PIKFYVE: variants seen among roughly 807,000 people sequenced by gnomAD.
PIKFYVE encodes 1-phosphatidylinositol 3-phosphate 5-kinase.
In PIKFYVE, 122 loss-of-function variants were observed where a neutral mutation model predicts 257.9. That is an observed-to-expected ratio of 0.47 (90% CI 0.41 to 0.55). PIKFYVE has a LOEUF of 0.55. PIKFYVE is among the 20% of genes least tolerant of loss of function. The probability of loss-of-function intolerance (pLI) is 0.00; values close to 1 mark genes in which losing one functional copy is unlikely to be tolerated. For missense variants in PIKFYVE, 2,160 were observed against 2,536.6 expected (o/e 0.85, Z 3.19); for synonymous variants, 892 against 868.9 (o/e 1.03, Z -0.47).
chr2:208,334,945 T>TCTTC (rs1697968573), intron 24 of PIKFYVE, among the ~76,000 whole-genome samples: 1 of 152,166 alleles, frequency 6.6e-6, no homozygotes, highest in South Asian at 2.1e-4. Flanking sequence ...CAAAGACTCA[T>TCTTC]GAAGAATCTT....
At chr2:208,302,478 AG>A (rs1559085700) in intron 10 of PIKFYVE, 125 bp downstream of exon 10, 2 of 981,496 alleles carry the variant, frequency 2.0e-6, no homozygotes, top group Non-Finnish European at 3.1e-6. Flanking sequence ...CTGCTGTTTG[AG>A]GAAAGTTAAA....
chr2:208,316,417 G>C (rs548076326), intron 15 of PIKFYVE, among the ~76,000 whole-genome samples: 1,820 of 152,022 alleles, frequency 0.012, 17 homozygotes, highest in Non-Finnish European at 0.021. Context: ...GGGTCAAATG[G>C]TATTTCTAGT....
At position 208,347,885 on chromosome 2, in the gene PIKFYVE, T is replaced by A; in HGVS notation, c.5236T>A (p.Phe1746Ile). ...PTKKASGMLS[F>I]FRGTAGKSPD... ...CAAAAAGGCTTCTGGAATGTTGTCC[T>A]TCTTCAGAGGGACAGCAGGGAAAAG... The change falls in exon 35 of 42, where the codon TTC becomes ATC. Residue 1746 changes from phenylalanine (F) to isoleucine (I), a missense_variant. Coordinates refer to ENST00000264380, the MANE Select transcript of PIKFYVE (RefSeq NM_015040.4). The A allele has an allele frequency of 6.2e-7, 1 of 1,613,714 alleles. No individual in the cohort carries two copies. The highest frequency in any genetic ancestry group is 8.5e-7 in the Non-Finnish European group (1 of 1,179,754).
rs1368950285 is a variant in PIKFYVE, at chr2:208,325,833, C to T, written c.3022C>T (p.Pro1008Ser). 29 of 1,613,872 alleles carry T rather than the reference C, an allele frequency of 1.8e-5. No homozygotes were observed. Among genetic ancestry groups the T allele is most frequent in the Non-Finnish European group, 2.3e-5 (27 of 1,179,974 alleles). ...TLQQTVVLQDPKSQIRAFRDP... is the reference protein window; with the variant it reads ...TLQQTVVLQDSKSQIRAFRDP... Reference sequence around the variant, plus strand: ...GCAGCAAACAGTTGTGCTGCAGGATCCCAAAAGCCAGATAAGAGCCTTTAG... The same window carrying T: ...GCAGCAAACAGTTGTGCTGCAGGATTCCAAAAGCCAGATAAGAGCCTTTAG... The change falls in exon 20 of 42, where the codon CCC (proline) becomes TCC (serine). Residue 1008 changes from proline to serine, a missense_variant. This residue lies in a region of PIKFYVE where 522 missense variants were observed against 514.6 expected (regional missense o/e 1.01). Coordinates refer to ENST00000264380, the MANE Select transcript of PIKFYVE (RefSeq NM_015040.4).
Position 208,300,957 on chromosome 2 carries a change from C to T in PIKFYVE, c.1071C>T (p.Asp357=), listed in dbSNP as rs1693607073. ...TGCAGGACAGTGTGCAGTTAAAAGA[C>T]CTGTGGAAAAAAATCTGCCATCACA... ...KILLDSVQLK[D]LWKKICHHSS... is the part of the protein sequence containing the mutation. Residue 357 remains aspartate (D), a synonymous_variant, in exon 9 of 42, where the codon GAC becomes GAT. Transcript: ENST00000264380. The T allele has an allele frequency of 1.2e-6, 2 of 1,614,010 alleles. No homozygotes were observed. The highest frequency in any genetic ancestry group is 1.3e-5 in the African/African-American group (1 of 75,006).
In PIKFYVE at chr2:208,355,509, CTG is replaced by C. The variant is rs1338345405; in HGVS notation, c.*206_*207del. The C allele has an allele frequency of 3.7e-6, 2 of 541,530 alleles. No individual in the cohort carries two copies. Among genetic ancestry groups the C allele is most frequent in the Non-Finnish European group, 3.3e-6 (1 of 303,740 alleles). 33.5% of individuals were successfully genotyped at this position (541,530 alleles called of 1,614,324 possible). On this transcript the variant is annotated 3_prime_UTR_variant, in exon 42 of 42. Coordinates refer to ENST00000264380, the MANE Select transcript of PIKFYVE (RefSeq NM_015040.4). ...TGGTTTTTGATACCTGTGGAGCTGT[CTG>C]TAGGTTGGGAAGTGGCATGAAAATT...
Position 208,350,865 on chromosome 2 carries a change from A to T in PIKFYVE, c.5529A>T (p.Glu1843Asp). The T allele has an allele frequency of 6.2e-7, 1 of 1,614,180 alleles. No individual in the cohort carries two copies. Among genetic ancestry groups the T allele is most frequent in the East Asian group, 2.2e-5 (1 of 44,880 alleles). ...AAGTGATTCTGGACAGCAGTGAAGA[A>T]GATTTCATTCGTTCCCTCTCCCACT... ...MREVILDSSE[E>D]DFIRSLSHSS... The change falls in exon 37 of 42, where the codon GAA (glutamate) becomes GAT (aspartate). Residue 1843 changes from glutamate to aspartate, a missense_variant. Physicochemically the swap from Glu to Asp is conservative, Grantham distance 45. Coordinates refer to ENST00000264380, the MANE Select transcript of PIKFYVE (RefSeq NM_015040.4).
In PIKFYVE at chr2:208,336,085, C is replaced by G; in HGVS notation, c.4405C>G (p.Gln1469Glu). The G allele has an allele frequency of 2.5e-6, 4 of 1,614,076 alleles. No homozygotes were observed. Among genetic ancestry groups the G allele is most frequent in the South Asian group, 1.1e-5 (1 of 91,084 alleles). The change falls in exon 27 of 42, where the codon CAA becomes GAA. Residue 1469 changes from glutamine (Q) to glutamate (E), a missense_variant. Around this residue, in one of 12 missense-constraint regions of PIKFYVE, gnomAD observed 699 missense variants for 855.8 expected, o/e 0.82. Coordinates refer to ENST00000264380, the MANE Select transcript of PIKFYVE (RefSeq NM_015040.4). ...GEFKNWIEKM[Q>E]ARLMSSSVDT... ...GTTCAAGAACTGGATTGAGAAGATGCAAGCAAGGCTCATGTCTTCCTCTGT... is the reference window on the plus strand; with the variant it reads ...GTTCAAGAACTGGATTGAGAAGATGGAAGCAAGGCTCATGTCTTCCTCTGT...
Position 208,320,231 on chromosome 2 carries a change from CAA to C in PIKFYVE, c.2083-19_2083-18del, listed in dbSNP as rs1283186739. On this transcript the variant is annotated intron_variant, in intron 16 of 41. Coordinates refer to ENST00000264380, the MANE Select transcript of PIKFYVE (RefSeq NM_015040.4). ...AAATGCAAACCTTTAAACACTTTAA[CAA>C]ACTGTTCATTTTTTGTAGATGAGTT... 6.2e-7 allele frequency: 1 copy of C among 1,607,844 alleles called. No individual in the cohort carries two copies. The highest frequency in any genetic ancestry group is 8.5e-7 in the Non-Finnish European group (1 of 1,176,310).
chr2:208,326,856 C>G (rs1436729682), intron 20 of PIKFYVE, among the ~76,000 whole-genome samples: 1 of 152,000 alleles, frequency 6.6e-6, no homozygotes, highest in Non-Finnish European at 1.5e-5. Flanking sequence ...AAAGTTAGCT[C>G]TTTTTTTAAC....
intron 2 of PIKFYVE, among the ~76,000 whole-genome samples, chr2:208,273,114 G>A (rs955639485): frequency 6.6e-6 from 1 of 152,164 alleles, no homozygotes; most frequent in Non-Finnish European, 1.5e-5. Flanking sequence ...ACTGGGAACT[G>A]TTTTGATAGT....
chr2:208,273,533 CATT>C, intron 2 of PIKFYVE, 48 bp from the exon 3 acceptor site: 9 of 1,610,446 alleles, frequency 5.6e-6, no homozygotes, highest in Non-Finnish European at 7.6e-6. Flanking sequence ...ACTTCCTTCT[CATT>C]GCTGAACTCT....
At chr2:208,279,115 T>C (rs1234304602) in intron 5 of PIKFYVE, among the ~76,000 whole-genome samples, 1 of 152,214 alleles carries the variant, frequency 6.6e-6, no homozygotes, top group African/African-American at 2.4e-5. Context: ...TGTGAGATGG[T>C]ATCTTATTGT....
chr2:208,338,251 GTTAC>G (rs1356619536), intron 28 of PIKFYVE, among the ~76,000 whole-genome samples: 1 of 151,810 alleles, frequency 6.6e-6, no homozygotes. Context: ...GTGTTTAAAT[GTTAC>G]TTATATTAAT....
At chr2:208,336,611 A>C (rs1253410817) in intron 27 of PIKFYVE, among the ~76,000 whole-genome samples, 2 of 151,894 alleles carry the variant, frequency 1.3e-5, no homozygotes, top group Non-Finnish European at 2.9e-5. Flanking sequence ...ATTTTTCTTT[A>C]TAATAATTTG....
At chr2:208,346,197 T>A in intron 34 of PIKFYVE, 50 bp downstream of exon 34, 3 of 1,464,476 alleles carry the variant, frequency 2.0e-6, no homozygotes, top group Non-Finnish European at 2.9e-6. Context: ...CCTATAATTA[T>A]GGTTTGAAAA....
chr2:208,318,064 C>T (rs1695758871), intron 16 of PIKFYVE, 123 bp downstream of exon 16: 1 of 1,020,910 alleles, frequency 9.8e-7, no homozygotes, highest in Non-Finnish European at 1.5e-6. Flanking sequence ...CTGTGTCTGC[C>T]ATAGGGGTGA....
intron 36 of PIKFYVE, 26 bp from the exon 37 acceptor site, chr2:208,350,745 T>C (rs756226465): frequency 7.4e-6 from 12 of 1,612,620 alleles, no homozygotes; most frequent in African/African-American, 4.0e-5. Context: ...CATAAAGCTT[T>C]TTAAAAAAAC....
At chr2:208,283,028 T>C (rs1220517523) in intron 5 of PIKFYVE, among the ~76,000 whole-genome samples, 1 of 152,156 alleles carries the variant, frequency 6.6e-6, no homozygotes, top group Non-Finnish European at 1.5e-5. Context: ...TGTGTATGGC[T>C]TGTGTGCTGC....
Sources: allele counts gnomAD v4.1 joint callset (sites outside exome capture counted in the v4.1 genomes callset), GRCh38; gene constraint gnomAD v4.1.1; regional missense constraint gnomAD v4.1.1; transcripts MANE v1.5; gene names NCBI Gene and HGNC (gene_info 2026-07-23, HGNC 2026-07-21).